Variants in CLSTN2 observed in about 807,000 individuals in gnomAD.
CLSTN2 encodes the protein calsyntenin-2.
A neutral mutation model predicts 101.2 loss-of-function variants in CLSTN2; 48 were observed. That is an observed-to-expected ratio of 0.47 (90% CI 0.38 to 0.60). CLSTN2 has a LOEUF of 0.60. Among genes scored for constraint, CLSTN2 ranks in the 20% least tolerant of loss-of-function variants. CLSTN2 has a pLI of 0.00. For missense variants in CLSTN2, 1,160 were observed against 1,238.2 expected, an observed-to-expected ratio of 0.94 and a Z score of 0.95; for synonymous variants, 481 against 463.6, an observed-to-expected ratio of 1.04 and a Z score of -0.48.
intron 1 of CLSTN2, among the ~76,000 whole-genome samples, chr3:140,126,177 G>C (rs2107801702): frequency 6.6e-6 from 1 of 152,268 alleles, no homozygotes; most frequent in East Asian, 1.9e-4. Flanking sequence ...GATGCTATGG[G>C]TATGGAGAAT....
intron 2 of CLSTN2, among the ~76,000 whole-genome samples, chr3:140,382,589 G>A (rs1370262817): frequency 1.3e-5 from 2 of 152,048 alleles, no homozygotes; most frequent in African/African-American, 2.4e-5. Context: ...TTCCTTTTGG[G>A]GCCCAGGTTA....
intron 1 of CLSTN2, among the ~76,000 whole-genome samples, chr3:140,121,486 G>A (rs1179956136): frequency 1.3e-5 from 2 of 152,186 alleles, no homozygotes; most frequent in African/African-American, 4.8e-5. Context: ...CCAACACATA[G>A]TAGGGACTCA....
At chr3:140,492,863 C>G (rs1256828590) in intron 8 of CLSTN2, among the ~76,000 whole-genome samples, 1 of 152,066 alleles carries the variant, frequency 6.6e-6, no homozygotes, top group Non-Finnish European at 1.5e-5. Flanking sequence ...GAGAAGAGCT[C>G]CAGAATCTGC....
chr3:140,390,923 A>T (rs1293408754), intron 2 of CLSTN2, among the ~76,000 whole-genome samples: 3 of 152,202 alleles, frequency 2.0e-5, no homozygotes, highest in Non-Finnish European at 4.4e-5. Context: ...GAATTGTCAT[A>T]GTCCTTCAAA....
intron 2 of CLSTN2, among the ~76,000 whole-genome samples, chr3:140,245,952 AT>A (rs2086512074): frequency 6.6e-6 from 1 of 152,168 alleles, no homozygotes; most frequent in Non-Finnish European, 1.5e-5. Flanking sequence ...TGATATTCGT[AT>A]TTCCTAAAAG....
chr3:140,531,966 G>C (rs1241096750), intron 8 of CLSTN2, among the ~76,000 whole-genome samples: 1 of 152,170 alleles, frequency 6.6e-6, no homozygotes, highest in Non-Finnish European at 1.5e-5. Flanking sequence ...CTGAGACCAG[G>C]AGTCTTGGGT....
chr3:140,562,975 T>A lies in CLSTN2; in HGVS notation c.2358+19T>A. On this transcript the variant is annotated intron_variant, in intron 14 of 16. Transcript: ENST00000458420. ...CTTGGAGGTGAGTGGGTCCTGCCATTGTTAGGGAAGCCAAGGCTCACCCAT... is the reference window on the plus strand; with the variant it reads ...CTTGGAGGTGAGTGGGTCCTGCCATAGTTAGGGAAGCCAAGGCTCACCCAT... The A allele has an allele frequency of 6.2e-7, 1 of 1,613,638 alleles. No homozygotes were observed. Among genetic ancestry groups the A allele is most frequent in the Non-Finnish European group, 8.5e-7 (1 of 1,179,612 alleles).
chr3:140,034,521 T>G (rs2007619143), intron 1 of CLSTN2, among the ~76,000 whole-genome samples: 1 of 152,212 alleles, frequency 6.6e-6, no homozygotes, highest in Non-Finnish European at 1.5e-5. Context: ...ACCCTGCCAT[T>G]AAGCATTCCA....
chr3:140,459,772 G>C lies in CLSTN2; in HGVS notation c.1222+3G>C, dbSNP rs752876605. 1 of 1,608,454 alleles carries C rather than the reference G, an allele frequency of 6.2e-7. No individual in the cohort carries two copies. Among genetic ancestry groups the C allele is most frequent in the Non-Finnish European group, 8.5e-7 (1 of 1,178,226 alleles). On this transcript the variant is annotated splice_donor_region_variant and intron_variant, in intron 7 of 16. Transcript: ENST00000458420. Reference sequence around the variant, plus strand: ...CCTCTGCAACTCAGACAAAACCGGTGAGTCTCTAGCCCAGCCCTTCCACCC... The same window carrying C: ...CCTCTGCAACTCAGACAAAACCGGTCAGTCTCTAGCCCAGCCCTTCCACCC...
intron 1 of CLSTN2, among the ~76,000 whole-genome samples, chr3:140,093,166 C>A (rs1179974839): frequency 6.6e-6 from 1 of 152,166 alleles, no homozygotes; most frequent in Non-Finnish European, 1.5e-5. Context: ...ACGGCCCAGG[C>A]TTCCTTGGGT....
Position 140,563,982 on chromosome 3 carries a change from T to G in CLSTN2, c.2504T>G (p.Val835Gly). 1 of 1,614,134 alleles carries G rather than the reference T, an allele frequency of 6.2e-7. No homozygotes were observed. The highest frequency in any genetic ancestry group is 8.5e-7 in the Non-Finnish European group (1 of 1,180,000). ...CCAGTGGTCCCAAGCATTGCCACAG[T>G]GGTCATCATCATCTCCGTGTGCATG... ...HSSVVPSIATVVIIISVCMLV... is the reference protein window; with the variant it reads ...HSSVVPSIATGVIIISVCMLV... Residue 835 changes from valine (V) to glycine (G), a missense_variant, in exon 16 of 17, where the codon GTG becomes GGG. Val to Gly is a moderately radical substitution (Grantham distance 109, BLOSUM62 -3). Coordinates refer to ENST00000458420, the MANE Select transcript of CLSTN2 (RefSeq NM_022131.3).
intron 1 of CLSTN2, among the ~76,000 whole-genome samples, chr3:139,975,076 ACT>A (rs1935792219): frequency 6.6e-6 from 1 of 152,182 alleles, no homozygotes; most frequent in East Asian, 1.9e-4. Flanking sequence ...GGAGGCTGAG[ACT>A]CTGAGTGAGA....
intron 1 of CLSTN2, among the ~76,000 whole-genome samples, chr3:140,145,640 C>A (rs1351136074): frequency 6.6e-6 from 1 of 152,236 alleles, no homozygotes; most frequent in Non-Finnish European, 1.5e-5. Context: ...TTAAGCAGCA[C>A]CTCTGCCCAG....
chr3:140,005,927 G>T (rs2006944192), intron 1 of CLSTN2, among the ~76,000 whole-genome samples: 2 of 152,176 alleles, frequency 1.3e-5, no homozygotes, highest in Non-Finnish European at 2.9e-5. Context: ...AATGGTGATA[G>T]CCAACACTCT....
intron 1 of CLSTN2, among the ~76,000 whole-genome samples, chr3:139,969,019 C>T (rs1238432093): frequency 6.6e-6 from 1 of 151,644 alleles, no homozygotes; most frequent in African/African-American, 2.4e-5. Flanking sequence ...GTATTAATAA[C>T]ATTATGGAGT....
chr3:139,991,617 A>G (rs1936115962), intron 1 of CLSTN2, among the ~76,000 whole-genome samples: 1 of 152,254 alleles, frequency 6.6e-6, no homozygotes, highest in Admixed American at 6.5e-5. Flanking sequence ...TTAATTAAAT[A>G]TTTATTTAAT....
chr3:140,168,498 A>G (rs770565310), intron 1 of CLSTN2, among the ~76,000 whole-genome samples: 2 of 152,086 alleles, frequency 1.3e-5, no homozygotes, highest in Non-Finnish European at 2.9e-5. Flanking sequence ...ATAAGAGTCT[A>G]TCATTTTTAT....
At chr3:140,081,353 G>A (rs111300727) in intron 1 of CLSTN2, among the ~76,000 whole-genome samples, 22 of 152,242 alleles carry the variant, frequency 1.4e-4, no homozygotes, top group African/African-American at 2.4e-4. Flanking sequence ...AATTTTCTTC[G>A]TGCCAAGGTT....
chr3:140,272,384 A>G (rs989748914), intron 2 of CLSTN2, among the ~76,000 whole-genome samples: 3 of 152,210 alleles, frequency 2.0e-5, no homozygotes, highest in Non-Finnish European at 4.4e-5. Flanking sequence ...CACAGTGTAA[A>G]TATGAAGACA....
Sources: allele counts gnomAD v4.1 joint callset (sites outside exome capture counted in the v4.1 genomes callset), GRCh38; gene constraint gnomAD v4.1.1; transcripts MANE v1.5; gene names NCBI Gene and HGNC (gene_info 2026-07-23, HGNC 2026-07-21).